Variants in RBFOX1 observed in about 807,000 individuals in gnomAD.
RBFOX1 encodes the protein RNA binding fox-1 homolog 1, also known as RNA binding protein fox-1 homolog 1.
Under a neutral mutation model 57.7 loss-of-function variants are expected in RBFOX1, and 8 were observed. The observed-to-expected ratio is 0.14, with a 90% CI of 0.08 to 0.25. RBFOX1 has a LOEUF of 0.25. Ranked by LOEUF, RBFOX1 falls within the 10% of genes least tolerant of loss-of-function variation. The pLI is 1.00. For synonymous variants in RBFOX1, 326 were observed against 222.4 expected (o/e 1.47, Z -4.15); for missense variants, 611 against 548.5 (o/e 1.11, Z -1.14).
intron 3 of RBFOX1, among the ~76,000 whole-genome samples, chr16:6,897,127 A>G (rs2067133381): frequency 6.6e-6 from 1 of 152,300 alleles, no homozygotes; most frequent in African/African-American, 2.4e-5. Context: ...TAAGAAAACC[A>G]TTGCTGACAA....
At chr16:6,543,363 C>G (rs1030449897) in intron 2 of RBFOX1, among the ~76,000 whole-genome samples, 1 of 152,096 alleles carries the variant, frequency 6.6e-6, no homozygotes, top group Non-Finnish European at 1.5e-5. Context: ...CACTGAGTCT[C>G]TACTCGGTGG....
chr16:5,461,229 T>C (rs1209839494), intron 1 of RBFOX1, among the ~76,000 whole-genome samples: 1 of 152,192 alleles, frequency 6.6e-6, no homozygotes, highest in Non-Finnish European at 1.5e-5. Flanking sequence ...TAGTGGTGCA[T>C]AGAGTGGTAA....
At chr16:7,697,462 A>G (rs1420496395) in intron 14 of RBFOX1, among the ~76,000 whole-genome samples, 2 of 152,162 alleles carry the variant, frequency 1.3e-5, no homozygotes, top group Non-Finnish European at 1.5e-5. Flanking sequence ...AAGGTGTAAT[A>G]GTAACTTACT....
At chr16:5,653,809 T>A (rs902426707) in intron 3 of RBFOX1, among the ~76,000 whole-genome samples, 3 of 152,188 alleles carry the variant, frequency 2.0e-5, no homozygotes, top group African/African-American at 7.2e-5. Context: ...CCAGGCCATA[T>A]GTGCCCTCTT....
chr16:6,794,279 G>GGTT (rs756265183), intron 3 of RBFOX1, among the ~76,000 whole-genome samples: 3 of 72,494 alleles, frequency 4.1e-5, no homozygotes, highest in Non-Finnish European at 5.8e-5. Flanking sequence ...TCTTGTTCGT[G>GGTT]ATTTTTTTTT....
At chr16:6,500,886 T>TGTTTGTTTGTTTC (rs796977292) in intron 2 of RBFOX1, among the ~76,000 whole-genome samples, 1 of 145,492 alleles carries the variant, frequency 6.9e-6, no homozygotes, top group Non-Finnish European at 1.5e-5. Context: ...GTTTTTTTTT[T>TGTTTGTTTGTTTC]TTTTTTTTTT....
chr16:5,960,032 C>T (rs1406824409), intron 4 of RBFOX1, among the ~76,000 whole-genome samples: 11 of 152,088 alleles, frequency 7.2e-5, no homozygotes, highest in Admixed American at 7.2e-4. Context: ...GAAACCCCGT[C>T]TCTACTATAA....
chr16:5,813,354 G>A (rs1173644357), intron 3 of RBFOX1, among the ~76,000 whole-genome samples: 2 of 151,892 alleles, frequency 1.3e-5, no homozygotes, highest in African/African-American at 2.4e-5. Context: ...GAACTTTTTC[G>A]TCACCCAAAC....
intron 4 of RBFOX1, among the ~76,000 whole-genome samples, chr16:7,084,829 G>A (rs150875811): frequency 6.6e-6 from 1 of 152,148 alleles, no homozygotes; most frequent in East Asian, 1.9e-4. Context: ...TCTGTATCTG[G>A]CAATCTTGTC....
At chr16:6,435,954 G>A (rs1247378251) in intron 2 of RBFOX1, among the ~76,000 whole-genome samples, 1 of 152,086 alleles carries the variant, frequency 6.6e-6, no homozygotes, top group Non-Finnish European at 1.5e-5. Context: ...CACTTAGCAT[G>A]TGATGGTTTT....
At chr16:6,877,051 AT>A (rs2061977117) in intron 3 of RBFOX1, among the ~76,000 whole-genome samples, 1 of 152,218 alleles carries the variant, frequency 6.6e-6, no homozygotes, top group Admixed American at 6.5e-5. Flanking sequence ...TCATATGTAT[AT>A]TTTGTGTTTG....
At chr16:5,541,516 T>G (rs2044950935) in intron 2 of RBFOX1, among the ~76,000 whole-genome samples, 2 of 152,062 alleles carry the variant, frequency 1.3e-5, no homozygotes, top group South Asian at 4.2e-4. Context: ...TCCAGGTCAC[T>G]GGTAGGTGAG....
chr16:7,005,596 G>C (rs981982928), intron 3 of RBFOX1, among the ~76,000 whole-genome samples: 2 of 152,184 alleles, frequency 1.3e-5, no homozygotes, highest in African/African-American at 4.8e-5. Context: ...TGATGGCTTG[G>C]TGTTGGTAGG....
intron 4 of RBFOX1, among the ~76,000 whole-genome samples, chr16:5,874,061 CAA>C (rs1266163335): frequency 6.6e-6 from 1 of 152,168 alleles, no homozygotes; most frequent in African/African-American, 2.4e-5. Flanking sequence ...AAGATGGTTA[CAA>C]GAGAGAGGTA....
rs58541296 is a variant in RBFOX1, at chr16:6,863,989, C to CTT, written c.-15-188054_-15-188053dup. ...CACAACTTCTTCTGTCTTTATGTTC[C>CTT]TTTTTTTTTTTTTTTGTTGAGATTA... On this transcript the variant is annotated intron_variant, in intron 3 of 15. Transcript: ENST00000550418. Among the ~76,000 whole-genome samples, 1,177 of 125,304 alleles carry CTT rather than the reference C, an allele frequency of 9.4e-3. 13 individuals carry two copies. Among genetic ancestry groups the CTT allele is most frequent in the African/African-American group, 0.014 (435 of 32,046 alleles). The allele number at this position is 125,304 out of a possible 152,430, so 82.2% of individuals were successfully genotyped here. A position where few individuals can be genotyped will look rare whatever the true frequency, so the allele number is the denominator to read the frequency against.
intron 1 of RBFOX1, among the ~76,000 whole-genome samples, chr16:5,345,536 G>C (rs9935121): frequency 5.3e-5 from 8 of 152,112 alleles, no homozygotes; most frequent in Admixed American, 5.2e-4. Context: ...GTGGGTTCTG[G>C]CTACATTTGG....
intron 2 of RBFOX1, among the ~76,000 whole-genome samples, chr16:6,605,265 C>CAT (rs35355867): frequency 0.33 from 50,096 of 151,620 alleles, 9,167 homozygotes; most frequent in African/African-American, 0.51. Context: ...GAAACCAACA[C>CAT]ATACAATTAA....
rs77615770 is a variant in RBFOX1 at position 6,868,066 on chromosome 16, C to T, written c.-15-183991C>T. On this transcript the variant is annotated intron_variant, in intron 3 of 15. Coordinates refer to ENST00000550418, the MANE Select transcript of RBFOX1 (RefSeq NM_018723.4). ...ATAGGTATTATAGTAATGTTTTTGC[C>T]GTATGGGTGTTGAGAAAATTAATAT... Among the ~76,000 whole-genome samples, 938 of 151,974 alleles carry T rather than the reference C, an allele frequency of 6.2e-3. 14 individuals carry two copies. The highest frequency in any genetic ancestry group is 0.021 in the African/African-American group (886 of 41,436).
chr16:6,685,131 C>T (rs148076795), intron 3 of RBFOX1, among the ~76,000 whole-genome samples: 19 of 152,162 alleles, frequency 1.2e-4, no homozygotes, highest in Non-Finnish European at 1.8e-4. Flanking sequence ...TAAATAAATA[C>T]GAGCTGTCAC....
Sources: gnomAD v4.1 joint callset for allele counts (sites outside exome capture counted in the v4.1 genomes callset) on GRCh38, gnomAD v4.1.1 for gene constraint, MANE v1.5 for transcripts, NCBI Gene and HGNC (gene_info 2026-07-23, HGNC 2026-07-21) for gene names.